The following LMX1B variants were observed in gnomAD, a reference collection of about 807,000 sequenced individuals.
LMX1B encodes LIM homeobox transcription factor 1 beta.
Under a neutral mutation model 51.4 loss-of-function variants are expected in LMX1B, and 12 were observed. The observed-to-expected ratio is 0.23, with a 90% CI of 0.15 to 0.38. LMX1B has a LOEUF of 0.38. LMX1B is among the 10% of genes least tolerant of loss of function. The probability of loss-of-function intolerance (pLI) is 1.00; values close to 1 mark genes in which losing one functional copy is unlikely to be tolerated. For missense variants in LMX1B, 445 were observed against 571.1 expected (o/e 0.78, Z 2.25); for synonymous variants, 237 against 235.4 (o/e 1.01, Z -0.06).
At chr9:126,683,037 C>T (rs1242448081) in intron 2 of LMX1B, among the ~76,000 whole-genome samples, 2 of 151,704 alleles carry the variant, frequency 1.3e-5, no homozygotes, top group African/African-American at 4.8e-5. Context: ...GGCCCGTGAC[C>T]TCCAGCCCCG....
chr9:126,693,921 G>T, intron 6 of LMX1B, 109 bp downstream of exon 6: 1 of 643,946 alleles, frequency 1.6e-6, no homozygotes, highest in Non-Finnish European at 2.7e-6. Flanking sequence ...GGTGAGCCTG[G>T]GCCAGGGCTG....
intron 2 of LMX1B, among the ~76,000 whole-genome samples, chr9:126,676,675 G>A (rs1257754143): frequency 6.6e-6 from 1 of 152,172 alleles, no homozygotes; most frequent in African/African-American, 2.4e-5. Flanking sequence ...TATTGAACAA[G>A]TTACCTCCCC....
At chr9:126,616,766 C>G (rs181520701) in intron 2 of LMX1B, among the ~76,000 whole-genome samples, 1 of 152,174 alleles carries the variant, frequency 6.6e-6, no homozygotes, top group Non-Finnish European at 1.5e-5. Flanking sequence ...TGGAAAGCAG[C>G]GCAGCCCAAC....
At chr9:126,665,093 C>A (rs1836317812) in intron 2 of LMX1B, among the ~76,000 whole-genome samples, 2 of 152,224 alleles carry the variant, frequency 1.3e-5, no homozygotes, top group Admixed American at 6.5e-5. Flanking sequence ...CTTCTTCCTG[C>A]CAATGCTGCT....
chr9:126,697,837 C>CTGTTTTGTTTTGTTTTGTTT lies in LMX1B; in HGVS notation c.*1422_*1441dup, dbSNP rs59836255. On this transcript the variant is annotated 3_prime_UTR_variant, in exon 8 of 8. Coordinates refer to ENST00000373474, the MANE Select transcript of LMX1B (RefSeq NM_001174147.2). ...TGTATATGCAGGATGGGGGCACCTA[C>CTGTTTTGTTTTGTTTTGTTT]TGTTTTGTTTTGTTTTGTTTTGTTT... 6.4e-4 allele frequency: 95 copies of CTGTTTTGTTTTGTTTTGTTT among 147,922 alleles called. No homozygotes were observed. The highest frequency in any genetic ancestry group is 1.0e-3 in the African/African-American group (39 of 39,104). The allele number at this position is 147,922 out of a possible 1,614,324, so 9.2% of individuals were successfully genotyped here.
intron 2 of LMX1B, among the ~76,000 whole-genome samples, chr9:126,682,894 GAA>G (rs577172677): frequency 0.03 from 2,622 of 86,060 alleles, 80 homozygotes; most frequent in African/African-American, 0.09. Flanking sequence ...CACTCTGTCT[GAA>G]AAAAAAAAAA....
intron 2 of LMX1B, among the ~76,000 whole-genome samples, chr9:126,632,073 C>T (rs532125707): frequency 4.1e-4 from 62 of 152,282 alleles, no homozygotes; most frequent in African/African-American, 1.4e-3. Flanking sequence ...AGCTGTGTGA[C>T]CTTTGACAAA....
chr9:126,633,695 C>G (rs1835668843), intron 2 of LMX1B, among the ~76,000 whole-genome samples: 1 of 152,220 alleles, frequency 6.6e-6, no homozygotes, highest in Non-Finnish European at 1.5e-5. Context: ...TCCGAAAGGA[C>G]TACCCACTCC....
rs945707939 is a variant in LMX1B at position 126,624,839 on chromosome 9, T to C, written c.326+9270T>C. ...CGGACTTGGTGCTTTAAATGCCAAT[T>C]ATAGGCGAGCCATATCCAACAGCAA... On this transcript the variant is annotated intron_variant, in intron 2 of 7. Coordinates refer to ENST00000373474, the MANE Select transcript of LMX1B (RefSeq NM_001174147.2). 3.3e-5 allele frequency among the ~76,000 whole-genome samples: 5 copies of C among 151,894 alleles called. No homozygotes were observed. In the South Asian group the frequency reaches 1.0e-3, roughly 32 times the overall value.
intron 2 of LMX1B, among the ~76,000 whole-genome samples, chr9:126,688,237 C>A (rs1470805503): frequency 1.3e-5 from 2 of 152,214 alleles, no homozygotes; most frequent in Non-Finnish European, 1.5e-5. Flanking sequence ...TAGCAATCGA[C>A]CCCCTGCTGC....
rs563357066 is a variant in LMX1B, at chr9:126,631,987, G to A, written c.326+16418G>A. On this transcript the variant is annotated intron_variant, in intron 2 of 7. Transcript: ENST00000373474. ...TTGGGTCTTAGCTAGAAAAGGGAAC[G>A]GTAGGTGCGCAGTTCGTACTGAAAG... 3.3e-5 allele frequency among the ~76,000 whole-genome samples: 5 copies of A among 152,248 alleles called. No homozygotes were observed. The East Asian group carries it at 7.7e-4, about 24-fold the overall frequency.
rs1157031130 is a variant in LMX1B, at chr9:126,671,605, G to T, written c.327-19231G>T. On this transcript the variant is annotated intron_variant, in intron 2 of 7. Transcript: ENST00000373474. This position sits in a 1 kb window ranked among gnomAD's most constrained non-coding sequence, Gnocchi z 4.4. ...CACCCCAGACGGGGCACTGCTCCAG[G>T]CCGGCTCTGGCTCTCTAATCCTGTA... Among the ~76,000 whole-genome samples the T allele has an allele frequency of 2.0e-5, 3 of 152,232 alleles. No individual in the cohort carries two copies. The highest frequency in any genetic ancestry group is 7.2e-5 in the African/African-American group (3 of 41,464).
At chr9:126,665,820 T>G (rs1298206620) in intron 2 of LMX1B, among the ~76,000 whole-genome samples, 1 of 152,214 alleles carries the variant, frequency 6.6e-6, no homozygotes, top group Non-Finnish European at 1.5e-5. Flanking sequence ...AGCTCAGCTG[T>G]GTCCCTCTGC....
At chr9:126,691,200 TCCAG>T in intron 3 of LMX1B, 132 bp downstream of exon 3, 1 of 665,130 alleles carries the variant, frequency 1.5e-6, no homozygotes, top group Non-Finnish European at 2.6e-6. Flanking sequence ...TACATGCATA[TCCAG>T]ATGCACACGC....
At chr9:126,630,475 A>G (rs1435418612) in intron 2 of LMX1B, among the ~76,000 whole-genome samples, 1 of 152,150 alleles carries the variant, frequency 6.6e-6, no homozygotes, top group Admixed American at 6.5e-5. Context: ...TCTGGTGCCA[A>G]ACAGGCATGG....
intron 2 of LMX1B, among the ~76,000 whole-genome samples, chr9:126,661,030 G>A (rs1398606653): frequency 6.6e-6 from 1 of 152,210 alleles, no homozygotes; most frequent in Non-Finnish European, 1.5e-5. Flanking sequence ...GATCTGGGAT[G>A]GGTAAGAGGT....
intron 2 of LMX1B, among the ~76,000 whole-genome samples, chr9:126,682,921 AAAG>A (rs1260734700): frequency 6.7e-6 from 1 of 149,658 alleles, no homozygotes; most frequent in Admixed American, 6.6e-5. Context: ...AAAAAGAAAG[AAAG>A]AAATATTTGT....
chr9:126,634,965 C>T (rs1835690929), intron 2 of LMX1B, among the ~76,000 whole-genome samples: 1 of 152,208 alleles, frequency 6.6e-6, no homozygotes, highest in East Asian at 1.9e-4. Flanking sequence ...CTGCCCCTGG[C>T]TGTCCTCTCA....
At chr9:126,692,562 C>A (rs770273800) in intron 3 of LMX1B, among the ~76,000 whole-genome samples, 1 of 152,230 alleles carries the variant, frequency 6.6e-6, no homozygotes, top group East Asian at 1.9e-4. Context: ...TGTGTGAATA[C>A]GCCTGTGAGT....
Sources: gnomAD v4.1 joint callset for allele counts (sites outside exome capture counted in the v4.1 genomes callset) on GRCh38, gnomAD v4.1.1 for gene constraint, Gnocchi (gnomAD v3.1) non-coding constraint, MANE v1.5 for transcripts, NCBI Gene and HGNC (gene_info 2026-07-23, HGNC 2026-07-21) for gene names.